EP300: variants seen among roughly 807,000 people sequenced by gnomAD.
The protein encoded by EP300 is histone acetyltransferase p300.
In EP300, 31 loss-of-function variants were observed where a neutral mutation model predicts 264.0. The observed-to-expected ratio is 0.12, with a 90% CI of 0.09 to 0.16. The LOEUF (loss-of-function observed/expected upper bound fraction) is 0.16, where lower values mean the gene tolerates loss of function less well. Among genes scored for constraint, EP300 ranks in the 10% least tolerant of loss-of-function variants. The probability of loss-of-function intolerance (pLI) is 1.00; values close to 1 mark genes in which losing one functional copy is unlikely to be tolerated. For synonymous variants in EP300, 1,340 were observed against 1,045.4 expected, an observed-to-expected ratio of 1.28 and a Z score of -5.44; for missense variants, 2,766 against 3,052.9, an observed-to-expected ratio of 0.91 and a Z score of 2.21.
At chr22:41,176,122 T>G in intron 29 of EP300, 125 bp from the exon 30 acceptor site, 1 of 1,092,058 alleles carries the variant, frequency 9.2e-7, no homozygotes, top group Non-Finnish European at 1.4e-6. Context: ...CAGGAGGCCA[T>G]GGTGGGATAA....
chr22:41,113,648 G>GC (rs2058806045), intron 1 of EP300, among the ~76,000 whole-genome samples: 1 of 152,158 alleles, frequency 6.6e-6, no homozygotes, highest in Non-Finnish European at 1.5e-5. Flanking sequence ...CCGGGTTCAT[G>GC]CCATTCTCCT....
chr22:41,163,391 C>T (rs1292165161), intron 21 of EP300, among the ~76,000 whole-genome samples: 8 of 140,466 alleles, frequency 5.7e-5, no homozygotes, highest in South Asian at 2.3e-4. Flanking sequence ...GCCGAGATCC[C>T]GCCACTGCAC....
At chr22:41,123,767 A>T (rs2058865324) in intron 2 of EP300, among the ~76,000 whole-genome samples, 1 of 152,194 alleles carries the variant, frequency 6.6e-6, no homozygotes, top group Non-Finnish European at 1.5e-5. Context: ...TTTGTTTGGG[A>T]TATAAAGTTG....
rs869304891 is a variant in EP300 at position 41,154,376 on chromosome 22, C to CTTTTTTTTTTTTTTTTTTTT, written c.3143-615_3143-596dup. On this transcript the variant is annotated intron_variant, in intron 16 of 30. Transcript: ENST00000263253. ...TCTTAACACGAGTATCTTGTGCACT[C>CTTTTTTTTTTTTTTTTTTTT]TTTTTTTTTTTTTTTTTTTTTTTGA... Among the ~76,000 whole-genome samples, 326 of 61,794 alleles carry CTTTTTTTTTTTTTTTTTTTT rather than the reference C, an allele frequency of 5.3e-3. 56 individuals carry two copies. The highest frequency in any genetic ancestry group is 5.9e-3 in the Admixed American group (17 of 2,884). The allele number at this position is 61,794 out of a possible 152,430, so 40.5% of individuals were successfully genotyped here.
chr22:41,176,157 T>G lies in EP300; in HGVS notation c.4780-90T>G. 4.1e-6 allele frequency: 6 copies of G among 1,466,398 alleles called. No individual in the cohort carries two copies. In the Admixed American group the frequency reaches 1.0e-4, roughly 25 times the overall value. 90.8% of individuals were successfully genotyped at this position (1,466,398 alleles called of 1,614,324 possible). On this transcript the variant is annotated intron_variant, in intron 29 of 30. Coordinates refer to ENST00000263253, the MANE Select transcript of EP300 (RefSeq NM_001429.4). ...ATTGCTTGAGCCCAGGAGGCAGAGG[T>G]TGTAGTGAGCCAAGATCACGCCACT...
chr22:41,118,807 A>G (rs1569091121), intron 2 of EP300, among the ~76,000 whole-genome samples: 1 of 150,246 alleles, frequency 6.7e-6, no homozygotes, highest in Non-Finnish European at 1.5e-5. Context: ...GAAAAAAAAA[A>G]AAAGAACCTT....
chr22:41,165,033 G>T (rs1428913640), intron 22 of EP300, among the ~76,000 whole-genome samples: 1 of 152,172 alleles, frequency 6.6e-6, no homozygotes, highest in Non-Finnish European at 1.5e-5. Context: ...GAAAGGGCAG[G>T]CTAATTGACA....
intron 29 of EP300, chr22:41,174,956 C>G (rs1263595867): frequency 6.6e-6 from 1 of 151,942 alleles, no homozygotes; most frequent in Non-Finnish European, 1.5e-5. Flanking sequence ...ATCACCACCC[C>G]TTTTTTGTTA....
At chr22:41,139,814 A>G (rs892833955) in intron 8 of EP300, among the ~76,000 whole-genome samples, 12 of 152,192 alleles carry the variant, frequency 7.9e-5, no homozygotes, top group Non-Finnish European at 1.8e-4. Context: ...AGAAGAGCAG[A>G]TGGAACTCTG....
chr22:41,165,037 A>G (rs2059126846), intron 22 of EP300, among the ~76,000 whole-genome samples: 1 of 152,198 alleles, frequency 6.6e-6, no homozygotes, highest in Non-Finnish European at 1.5e-5. Context: ...GGGCAGGCTA[A>G]TTGACAGATT....
intron 1 of EP300, among the ~76,000 whole-genome samples, chr22:41,097,329 A>C (rs78802773): frequency 1.3e-5 from 2 of 152,154 alleles, no homozygotes; most frequent in East Asian, 3.9e-4. Flanking sequence ...CAGAGGTTGG[A>C]ATTGTATTGG....
intron 1 of EP300, among the ~76,000 whole-genome samples, chr22:41,104,447 A>G (rs947083969): frequency 1.9e-4 from 29 of 151,492 alleles, no homozygotes; most frequent in South Asian, 4.2e-4. Context: ...CCGCCACCAC[A>G]CCCAGCTAAT....
chr22:41,155,313 C>A (rs986702796), intron 17 of EP300, among the ~76,000 whole-genome samples, 200 bp downstream of exon 17: 2 of 152,018 alleles, frequency 1.3e-5, no homozygotes, highest in Non-Finnish European at 2.9e-5. Context: ...ACTACTGTCT[C>A]CACCTCCCGG....
intron 3 of EP300, 65 bp downstream of exon 3, chr22:41,126,105 C>A (rs2058880898): frequency 1.3e-6 from 2 of 1,527,286 alleles, no homozygotes; most frequent in African/African-American, 2.7e-5. Flanking sequence ...TTGTGTTAAA[C>A]TTTCACCCTT....
intron 2 of EP300, among the ~76,000 whole-genome samples, chr22:41,118,530 T>C (rs2058833797): frequency 6.6e-6 from 1 of 152,266 alleles, no homozygotes; most frequent in Non-Finnish European, 1.5e-5. Context: ...GCCTGGCATG[T>C]AGTTCGTTTT....
intron 2 of EP300, among the ~76,000 whole-genome samples, chr22:41,123,779 C>T (rs1272564473): frequency 1.3e-5 from 2 of 151,962 alleles, no homozygotes; most frequent in East Asian, 1.9e-4. Flanking sequence ...ATAAAGTTGA[C>T]CCCATTTTGA....
intron 27 of EP300, among the ~76,000 whole-genome samples, chr22:41,170,810 T>C (rs966039470): frequency 2.6e-5 from 4 of 151,942 alleles, no homozygotes; most frequent in South Asian, 2.1e-4. Context: ...TACAGGCTCC[T>C]GCCATCACAC....
At chr22:41,139,154 G>A (rs766534258) in intron 8 of EP300, among the ~76,000 whole-genome samples, 5 of 151,954 alleles carry the variant, frequency 3.3e-5, no homozygotes, top group Non-Finnish European at 5.9e-5. Context: ...GGGTTTCGCC[G>A]TGTTGGCCAG....
intron 16 of EP300, among the ~76,000 whole-genome samples, chr22:41,154,342 G>T (rs758683247): frequency 1.5e-4 from 21 of 141,806 alleles, no homozygotes; most frequent in Non-Finnish European, 3.0e-4. Context: ...TTGCTTGACT[G>T]CATCTCCCTC....
Sources: allele counts gnomAD v4.1 joint callset (sites outside exome capture counted in the v4.1 genomes callset), GRCh38; gene constraint gnomAD v4.1.1; transcripts MANE v1.5; gene names NCBI Gene and HGNC (gene_info 2026-07-23, HGNC 2026-07-21).